TTC28: variants seen among roughly 807,000 people sequenced by gnomAD.
TTC28 encodes tetratricopeptide repeat domain 28.
Under a neutral mutation model 198.0 loss-of-function variants are expected in TTC28, and 61 were observed. The ratio of observed to expected loss-of-function variants is 0.31; its 90% CI spans 0.25 to 0.38. The LOEUF (loss-of-function observed/expected upper bound fraction) is 0.38, where lower values mean the gene tolerates loss of function less well. Ranked by LOEUF, TTC28 falls within the 10% of genes least tolerant of loss-of-function variation. The pLI, the probability that TTC28 is intolerant of heterozygous loss-of-function variation, is 1.00. For synonymous variants in TTC28, 1,171 were observed against 1,297.8 expected, an observed-to-expected ratio of 0.90 and a Z score of 2.10; for missense variants, 2,678 against 3,164.0, an observed-to-expected ratio of 0.85 and a Z score of 3.69.
At chr22:28,039,003 C>T (rs1939490225) in intron 12 of TTC28, among the ~76,000 whole-genome samples, 1 of 152,160 alleles carries the variant, frequency 6.6e-6, no homozygotes, top group South Asian at 2.1e-4. Context: ...TGGCGATCAT[C>T]AAAAAGTCAG....
At position 27,983,047 on chromosome 22, in the gene TTC28, C is replaced by G; in HGVS notation, c.6620G>C (p.Arg2207Thr). 1 of 1,551,728 alleles carries G rather than the reference C, an allele frequency of 6.4e-7. No homozygotes were observed. The highest frequency in any genetic ancestry group is 8.7e-7 in the Non-Finnish European group (1 of 1,146,988). The change falls in exon 23 of 23, where the codon AGA becomes ACA. Residue 2207 changes from arginine (R) to threonine (T), a missense_variant. Physicochemically the swap from Arg to Thr is moderately conservative, Grantham distance 71 (BLOSUM62 -1). Around this residue, in one of 8 missense-constraint regions of TTC28, gnomAD observed 622 missense variants for 656.0 expected, o/e 0.95. Transcript: ENST00000397906. ...VQAPSSTAVF[R>T]ASETSAFSRP... Reference sequence around the variant, plus strand: ...GCTGAACGCACTGGTTTCTGACGCTCTGAAGACAGCAGTGCTGCTGGGCGC... The same window carrying G: ...GCTGAACGCACTGGTTTCTGACGCTGTGAAGACAGCAGTGCTGCTGGGCGC...
At chr22:28,381,404 A>G (rs2046491973) in intron 2 of TTC28, among the ~76,000 whole-genome samples, 1 of 152,212 alleles carries the variant, frequency 6.6e-6, no homozygotes, top group African/African-American at 2.4e-5. Flanking sequence ...CGCTCCTGGT[A>G]TAAGATCAAT....
In TTC28 at chr22:28,426,845, A is replaced by G. The variant is rs142571014; in HGVS notation, c.382-120202T>C. ...CAAGCAAAAATCCATACTTTCATTC[A>G]ATACCTAGAGATATTCTACTACAGT... On this transcript the variant is annotated intron_variant, in intron 2 of 22. Coordinates refer to ENST00000397906, the MANE Select transcript of TTC28 (RefSeq NM_001145418.2). Among the ~76,000 whole-genome samples the G allele has an allele frequency of 7.0e-3, 1,072 of 152,280 alleles. 12 individuals carry two copies. Among genetic ancestry groups the G allele is most frequent in the African/African-American group, 0.025 (1,035 of 41,552 alleles).
intron 2 of TTC28, among the ~76,000 whole-genome samples, chr22:28,539,324 T>A (rs916346603): frequency 9.2e-5 from 14 of 152,082 alleles, no homozygotes; most frequent in African/African-American, 3.1e-4. Flanking sequence ...CAGGAATAGA[T>A]TCTTGAGGAA....
At chr22:28,566,415 C>T (rs150443638) in intron 2 of TTC28, among the ~76,000 whole-genome samples, 5 of 152,120 alleles carry the variant, frequency 3.3e-5, no homozygotes, top group Admixed American at 1.3e-4. Flanking sequence ...ATGAGAAAGA[C>T]GTTAACTGGC....
At chr22:28,189,181 C>T (rs1348475665) in intron 5 of TTC28, among the ~76,000 whole-genome samples, 2 of 152,010 alleles carry the variant, frequency 1.3e-5, no homozygotes, top group East Asian at 3.9e-4. Flanking sequence ...GACCTCATCT[C>T]AAAAATAACA....
Position 28,107,197 on chromosome 22 carries a change from A to C in TTC28, c.2648T>G (p.Leu883Arg). ...ACCCAGGGCTTCGTAGCAATCCCCC[A>C]GGTTGCCATAGGCCCGGCCCCTGTC... is the stretch of plus-strand genomic sequence containing the variant. ...VLDRGRAYGN[L>R]GDCYEALGDY... Residue 883 changes from leucine to arginine, a missense_variant, in exon 7 of 23, where the codon CTG becomes CGG. Coordinates refer to ENST00000397906, the MANE Select transcript of TTC28 (RefSeq NM_001145418.2). 1 of 1,551,738 alleles carries C rather than the reference A, an allele frequency of 6.4e-7. No homozygotes were observed. The highest frequency in any genetic ancestry group is 8.7e-7 in the Non-Finnish European group (1 of 1,146,994).
At chr22:28,443,151 T>A (rs1443256415) in intron 2 of TTC28, 1 of 152,240 alleles carries the variant, frequency 6.6e-6, no homozygotes, top group African/African-American at 2.4e-5. Context: ...GCCACCGGCG[T>A]ACTCCTGCCA....
At chr22:28,042,615 A>G (rs1939694336) in intron 12 of TTC28, among the ~76,000 whole-genome samples, 1 of 152,134 alleles carries the variant, frequency 6.6e-6, no homozygotes, top group African/African-American at 2.4e-5. Flanking sequence ...GAGCATTAGG[A>G]GAAATACCTA....
intron 2 of TTC28, among the ~76,000 whole-genome samples, chr22:28,454,501 G>A (rs1259719045): frequency 1.3e-5 from 2 of 152,122 alleles, no homozygotes; most frequent in South Asian, 4.1e-4. Context: ...TACAAAAAGA[G>A]GTCATTCCCC....
At chr22:28,449,514 T>C (rs779798056) in intron 2 of TTC28, among the ~76,000 whole-genome samples, 1 of 152,208 alleles carries the variant, frequency 6.6e-6, no homozygotes, top group Non-Finnish European at 1.5e-5. Flanking sequence ...GCCCATGTTA[T>C]AGGAGAGGAA....
Position 28,094,109 on chromosome 22 carries a change from C to T in TTC28, c.3903G>A (p.Glu1301=), listed in dbSNP as rs752887321. 1.4e-5 allele frequency: 22 copies of T among 1,550,792 alleles called. No homozygotes were observed. In the South Asian group the frequency reaches 1.7e-4, roughly 12 times the overall value. Residue 1301 remains glutamate (E), a synonymous_variant, in exon 12 of 23, where the codon GAG becomes GAA. Transcript: ENST00000397906. ...ALEQHIASVR[E]ALGVESHYSR... is the part of the protein sequence containing the mutation. ...AGTAGTGAGACTCCACCCCCAGGGC[C>T]TCCCGGACACTGGCAATGTGCTGCT...
chr22:28,505,926 TG>T (rs1311325052), intron 2 of TTC28, among the ~76,000 whole-genome samples: 1 of 152,194 alleles, frequency 6.6e-6, no homozygotes, highest in African/African-American at 2.4e-5. Flanking sequence ...ACCGTCTCCG[TG>T]GTTCAGTAGA....
At chr22:28,103,120 T>C (rs975211026) in intron 8 of TTC28, among the ~76,000 whole-genome samples, 2 of 152,166 alleles carry the variant, frequency 1.3e-5, no homozygotes, top group Non-Finnish European at 1.5e-5. Flanking sequence ...GGTTCAACAA[T>C]GAAGAGTTAA....
chr22:28,348,423 G>C (rs1350568277), intron 2 of TTC28, among the ~76,000 whole-genome samples: 3 of 152,150 alleles, frequency 2.0e-5, no homozygotes, highest in African/African-American at 4.8e-5. Context: ...CTAATTCTAA[G>C]GATCCTGGAA....
At position 28,107,231 on chromosome 22, in the gene TTC28, A is replaced by G. The variant is rs1007340831; in HGVS notation, c.2614T>C (p.Ser872Pro). The change falls in exon 7 of 23, where the codon TCT becomes CCT. Residue 872 changes from serine (S) to proline (P), a missense_variant. Around this residue, in one of 8 missense-constraint regions of TTC28, gnomAD observed 775 missense variants for 845.9 expected, o/e 0.92. Transcript: ENST00000397906. ...AMLQQLSGNE[S>P]VLDRGRAYGN... is the part of the protein sequence containing the mutation. ...TAGGCCCGGCCCCTGTCGAGCACAG[A>G]CTCATTTCCACTTAGCTGCTGCAGC... 1.0e-5 allele frequency: 16 copies of G among 1,551,560 alleles called. No individual in the cohort carries two copies. Among genetic ancestry groups the G allele is most frequent in the Non-Finnish European group, 1.4e-5 (16 of 1,146,968 alleles).
At chr22:28,566,380 T>C (rs2049970527) in intron 2 of TTC28, among the ~76,000 whole-genome samples, 1 of 152,100 alleles carries the variant, frequency 6.6e-6, no homozygotes, top group South Asian at 2.1e-4. Flanking sequence ...ACTGAGCATA[T>C]ACCTGAAAGA....
intron 1 of TTC28, among the ~76,000 whole-genome samples, chr22:28,650,371 A>G (rs2051545700): frequency 6.6e-6 from 1 of 152,224 alleles, no homozygotes; most frequent in Non-Finnish European, 1.5e-5. Flanking sequence ...AGACAATGAA[A>G]GGTGCAAATC....
Position 28,291,012 on chromosome 22 carries a change from G to A in TTC28, c.933+5186C>T, listed in dbSNP as rs963916356. On this transcript the variant is annotated intron_variant, in intron 5 of 22. Transcript: ENST00000397906. Reference sequence around the variant, plus strand: ...CCCTAAAAGTGTAGATCAGTGAGGGGACATGTAAGAATAAATGGAGAGACA... The same window carrying A: ...CCCTAAAAGTGTAGATCAGTGAGGGAACATGTAAGAATAAATGGAGAGACA... Among the ~76,000 whole-genome samples the A allele has an allele frequency of 8.6e-5, 11 of 127,596 alleles. No homozygotes were observed. In the South Asian group the frequency reaches 2.8e-3, roughly 32 times the overall value. 83.7% of individuals were successfully genotyped at this position (127,596 alleles called of 152,430 possible).
Sources: allele counts gnomAD v4.1 joint callset (sites outside exome capture counted in the v4.1 genomes callset), GRCh38; gene constraint gnomAD v4.1.1; regional missense constraint gnomAD v4.1.1; transcripts MANE v1.5; gene names NCBI Gene and HGNC (gene_info 2026-07-23, HGNC 2026-07-21).